The following INPP4B variants were observed in gnomAD, a reference collection of about 807,000 sequenced individuals.
The protein encoded by INPP4B is inositol polyphosphate 4-phosphatase type II.
Under a neutral mutation model 122.5 loss-of-function variants are expected in INPP4B, and 55 were observed. The observed-to-expected ratio is 0.45, with a 90% CI of 0.36 to 0.56. The LOEUF is 0.56. Ranked by LOEUF, INPP4B falls within the 20% of genes least tolerant of loss-of-function variation. The probability of loss-of-function intolerance (pLI) is 0.00; values close to 1 mark genes in which losing one functional copy is unlikely to be tolerated. For missense variants in INPP4B, 1,000 were observed against 1,097.7 expected (o/e 0.91, Z 1.26); for synonymous variants, 403 against 388.7 (o/e 1.04, Z -0.43).
At chr4:142,453,770 C>T (rs527343629) in intron 3 of INPP4B, among the ~76,000 whole-genome samples, 1 of 152,192 alleles carries the variant, frequency 6.6e-6, no homozygotes, top group Non-Finnish European at 1.5e-5. Context: ...TTCAATAATA[C>T]TGCTCTACAG....
intron 1 of INPP4B, among the ~76,000 whole-genome samples, chr4:142,808,751 T>C (rs1779153948): frequency 6.6e-6 from 1 of 152,098 alleles, no homozygotes; most frequent in African/African-American, 2.4e-5. Context: ...TTTCAGAATG[T>C]TTTAATTTTT....
At chr4:142,054,026 T>C (rs926958354) in intron 25 of INPP4B, among the ~76,000 whole-genome samples, 7 of 134,418 alleles carry the variant, frequency 5.2e-5, no homozygotes, top group African/African-American at 1.4e-4. Context: ...TTTTATTTTA[T>C]AATTCTAATC....
At position 142,772,467 on chromosome 4, in the gene INPP4B, G is replaced by A. The variant is rs952708139; in HGVS notation, c.-253-46566C>T. On this transcript the variant is annotated intron_variant, in intron 1 of 25. Transcript: ENST00000262992. Reference sequence around the variant, plus strand: ...AACAATCTGTTTCTCCCAGACTATCGCATTTCAGATGACCCTTAAATAATG... The same window carrying A: ...AACAATCTGTTTCTCCCAGACTATCACATTTCAGATGACCCTTAAATAATG... Among the ~76,000 whole-genome samples, 87 of 152,050 alleles carry A rather than the reference G, an allele frequency of 5.7e-4. 1 individual carries two copies. Among genetic ancestry groups the A allele is most frequent in the African/African-American group, 2.0e-3 (84 of 41,398 alleles).
chr4:142,079,331 A>G (rs1772602992), intron 25 of INPP4B, among the ~76,000 whole-genome samples: 1 of 151,874 alleles, frequency 6.6e-6, no homozygotes, highest in African/African-American at 2.4e-5. Context: ...AATCAAACAT[A>G]TGTATTTTTT....
At chr4:142,485,608 A>G (rs1191119429) in intron 2 of INPP4B, among the ~76,000 whole-genome samples, 1 of 152,158 alleles carries the variant, frequency 6.6e-6, no homozygotes, top group African/African-American at 2.4e-5. Context: ...ACTAGAAAAT[A>G]CATAAATAGC....
intron 2 of INPP4B, among the ~76,000 whole-genome samples, chr4:142,623,423 T>A (rs1421297451): frequency 6.6e-6 from 1 of 151,850 alleles, no homozygotes; most frequent in Non-Finnish European, 1.5e-5. Context: ...CTTTTGGCAA[T>A]ATCTTCATAC....
At chr4:142,333,793 G>C (rs1775575446) in intron 7 of INPP4B, among the ~76,000 whole-genome samples, 1 of 152,004 alleles carries the variant, frequency 6.6e-6, no homozygotes, top group Non-Finnish European at 1.5e-5. Flanking sequence ...TTGAGGTTTT[G>C]ATGTATGTAT....
intron 7 of INPP4B, among the ~76,000 whole-genome samples, chr4:142,340,352 A>C (rs1331530861): frequency 3.3e-5 from 5 of 152,104 alleles, no homozygotes; most frequent in Non-Finnish European, 7.4e-5. Flanking sequence ...TTCACTGTGT[A>C]ACAACGTTCC....
Position 142,595,139 on chromosome 4 carries a change from A to G in INPP4B, c.-191+130700T>C, listed in dbSNP as rs139894078. 2.7e-3 allele frequency among the ~76,000 whole-genome samples: 406 copies of G among 151,796 alleles called. 6 individuals carry two copies. The highest frequency in any genetic ancestry group is 0.018 in the East Asian group (95 of 5,150). ...TGCCTATTTACGTAAGTTTTCTGTA[A>G]TAGTGGAAATTACATAAATTTGGTA... On this transcript the variant is annotated intron_variant, in intron 2 of 25. Coordinates refer to ENST00000262992, the MANE Select transcript of INPP4B (RefSeq NM_001101669.3).
intron 2 of INPP4B, among the ~76,000 whole-genome samples, chr4:142,720,893 CGTGT>C (rs35250436): frequency 0.026 from 2,867 of 111,168 alleles, 37 homozygotes; most frequent in Middle Eastern, 0.097. Flanking sequence ...GAGTGCATCT[CGTGT>C]GTGTGTGTGT....
intron 2 of INPP4B, among the ~76,000 whole-genome samples, chr4:142,693,092 C>G (rs1760466540): frequency 6.6e-6 from 1 of 151,808 alleles, no homozygotes; most frequent in African/African-American, 2.4e-5. Flanking sequence ...TAGGGAATCC[C>G]CAAAGCTGTA....
At chr4:142,176,640 A>G (rs750553302) in intron 15 of INPP4B, among the ~76,000 whole-genome samples, 3 of 152,106 alleles carry the variant, frequency 2.0e-5, no homozygotes, top group African/African-American at 7.2e-5. Flanking sequence ...AGCAGTCACA[A>G]TAAGATTTCC....
chr4:142,388,343 T>C (rs1406386574), intron 7 of INPP4B, among the ~76,000 whole-genome samples: 1 of 152,174 alleles, frequency 6.6e-6, no homozygotes, highest in African/African-American at 2.4e-5. Context: ...TTAAAAGGCC[T>C]ATGTTCTTCT....
intron 2 of INPP4B, among the ~76,000 whole-genome samples, chr4:142,588,138 A>G (rs545253581): frequency 1.3e-5 from 2 of 152,064 alleles, no homozygotes; most frequent in African/African-American, 2.4e-5. Context: ...AACTCTCAGC[A>G]GAGTAGTAAC....
intron 1 of INPP4B, among the ~76,000 whole-genome samples, chr4:142,810,520 A>T (rs1779380013): frequency 6.6e-6 from 1 of 152,196 alleles, no homozygotes; most frequent in South Asian, 2.1e-4. Context: ...AAGTATGAGT[A>T]CTAATCTACT....
intron 1 of INPP4B, among the ~76,000 whole-genome samples, chr4:142,740,467 A>C (rs994641571): frequency 4.6e-5 from 7 of 152,076 alleles, no homozygotes; most frequent in African/African-American, 1.7e-4. Context: ...ATTTTAAAAA[A>C]GTAAGGATGA....
At chr4:142,835,788 T>C (rs1782702554) in intron 1 of INPP4B, among the ~76,000 whole-genome samples, 1 of 152,208 alleles carries the variant, frequency 6.6e-6, no homozygotes, top group African/African-American at 2.4e-5. Context: ...TTATACTGAG[T>C]ATATCTTCTT....
intron 2 of INPP4B, among the ~76,000 whole-genome samples, chr4:142,560,992 C>T (rs886468739): frequency 6.6e-6 from 1 of 152,128 alleles, no homozygotes; most frequent in African/African-American, 2.4e-5. Context: ...AATTAAAAGA[C>T]CTTTTTATTA....
At chr4:142,248,586 A>G (rs1730243605) in intron 11 of INPP4B, among the ~76,000 whole-genome samples, 1 of 151,536 alleles carries the variant, frequency 6.6e-6, no homozygotes, top group African/African-American at 2.4e-5. Context: ...TGACCTGTCC[A>G]CTTCAGCCTC....
Sources: allele counts gnomAD v4.1 joint callset (sites outside exome capture counted in the v4.1 genomes callset), GRCh38; gene constraint gnomAD v4.1.1; transcripts MANE v1.5; gene names NCBI Gene and HGNC (gene_info 2026-07-23, HGNC 2026-07-21).